ZNF213: variants seen among roughly 807,000 people sequenced by gnomAD.
The protein encoded by ZNF213 is zinc finger protein 213.
Under a neutral mutation model 46.0 loss-of-function variants are expected in ZNF213, and 32 were observed. That is an observed-to-expected ratio of 0.70 (90% CI 0.52 to 0.93). The LOEUF is 0.93. Among genes scored for constraint, ZNF213 ranks in the 40% least tolerant of loss-of-function variants. The pLI, the probability that ZNF213 is intolerant of heterozygous loss-of-function variation, is 0.00. For missense variants in ZNF213, 639 were observed against 652.8 expected (o/e 0.98, Z 0.23); for synonymous variants, 297 against 271.0 (o/e 1.10, Z -0.94).
chr16:3,139,050 G>A lies in ZNF213; in HGVS notation c.673G>A (p.Asp225Asn). 5 of 1,614,068 alleles carry A rather than the reference G, an allele frequency of 3.1e-6. No homozygotes were observed. The highest frequency in any genetic ancestry group is 4.2e-6 in the Non-Finnish European group (5 of 1,180,012). The change falls in exon 5 of 6, where the codon GAT becomes AAT. Residue 225 changes from aspartate (D) to asparagine (N), a missense_variant. Asp to Asn is a conservative substitution (Grantham distance 23, BLOSUM62 1). Coordinates refer to ENST00000396878, the MANE Select transcript of ZNF213 (RefSeq NM_004220.3). Reference protein sequence around the residue: ...EWGTLDPAQRDLFWDIKRENS... With the variant: ...EWGTLDPAQRNLFWDIKRENS... Reference sequence around the variant, plus strand: ...GGGCACCCTGGACCCTGCTCAGCGGGATCTCTTCTGGGACATAAAGCGGGA... The same window carrying A: ...GGGCACCCTGGACCCTGCTCAGCGGAATCTCTTCTGGGACATAAAGCGGGA...
rs778611441 is a variant in ZNF213 at position 3,140,747 on chromosome 16, G to A, written c.780G>A (p.Val260=). 2.6e-6 allele frequency: 4 copies of A among 1,549,664 alleles called. No individual in the cohort carries two copies. The South Asian group carries it at 5.0e-5, about 19-fold the overall frequency. Residue 260 remains valine (V), a synonymous_variant, in exon 6 of 6, where the codon GTG becomes GTA. Coordinates refer to ENST00000396878, the MANE Select transcript of ZNF213 (RefSeq NM_004220.3). ...TGCTGCAGGAGATGGTGCCGGTGGT[G>A]CCAGGCCAGACAGGCAGCGACGTGA... is the stretch of plus-strand genomic sequence containing the variant. ...KSLLQEMVPV[V]PGQTGSDVTV...
intron 5 of ZNF213, 192 bp downstream of exon 5, chr16:3,139,290 G>A (rs1056802907): frequency 2.2e-5 from 17 of 789,956 alleles, no homozygotes; most frequent in African/African-American, 7.0e-5. Context: ...GGACGGCGCC[G>A]GCGCTGCCCA....
Position 3,137,240 on chromosome 16 carries a change from C to T in ZNF213, c.-41C>T. 6.5e-7 allele frequency: 1 copy of T among 1,531,956 alleles called. No individual in the cohort carries two copies. The highest frequency in any genetic ancestry group is 8.8e-7 in the Non-Finnish European group (1 of 1,142,728). The allele number at this position is 1,531,956 out of a possible 1,614,324, so 94.9% of individuals were successfully genotyped here. On this transcript the variant is annotated 5_prime_UTR_variant, in exon 2 of 6. Coordinates refer to ENST00000396878, the MANE Select transcript of ZNF213 (RefSeq NM_004220.3). ...AGACTGAAAGTACAGGTTCTGGGGC[C>T]CAGGTTGAAGCCGACCAACCCTGAG... is the stretch of plus-strand genomic sequence containing the variant.
At chr16:3,139,253 T>G in intron 5 of ZNF213, 155 bp downstream of exon 5, 2 of 1,167,076 alleles carry the variant, frequency 1.7e-6, no homozygotes, top group South Asian at 1.5e-5. Context: ...TGATGATCAG[T>G]TTTTGTGCGT....
At chr16:3,138,669 G>C in intron 3 of ZNF213, 76 bp from the exon 4 acceptor site, 1 of 1,608,502 alleles carries the variant, frequency 6.2e-7, no homozygotes, top group Non-Finnish European at 8.5e-7. Flanking sequence ...GTGTGCATGC[G>C]CACAGGCTGG....
rs748030675 is a variant in ZNF213 at position 3,137,404 on chromosome 16, G to A, written c.124G>A (p.Glu42Lys). The change falls in exon 2 of 6, where the codon GAA becomes AAA. Residue 42 changes from glutamate to lysine, a missense_variant. By Grantham distance (56) the Glu-to-Lys change is moderately conservative. Coordinates refer to ENST00000396878, the MANE Select transcript of ZNF213 (RefSeq NM_004220.3). ...SAQHEDGRDSEACRQRFRQFC... is the reference protein window; with the variant it reads ...SAQHEDGRDSKACRQRFRQFC... ...CCAGCATGAGGATGGCAGGGATTCC[G>A]AAGCCTGCCGCCAGCGCTTCCGGCA... 13 of 1,613,834 alleles carry A rather than the reference G, an allele frequency of 8.1e-6. No individual in the cohort carries two copies. Among genetic ancestry groups the A allele is most frequent in the East Asian group, 2.2e-5 (1 of 44,898 alleles).
chr16:3,141,274 A>G lies in ZNF213; in HGVS notation c.1307A>G (p.Lys436Arg). 6.2e-7 allele frequency: 1 copy of G among 1,611,680 alleles called. No homozygotes were observed. Among genetic ancestry groups the G allele is most frequent in the Non-Finnish European group, 8.5e-7 (1 of 1,179,872 alleles). Residue 436 changes from lysine to arginine, a missense_variant, in exon 6 of 6, where the codon AAG becomes AGG. Transcript: ENST00000396878. ...ERPFGCGECD[K>R]SFKQRAHLIA... ...CCCTTCGGCTGCGGAGAGTGCGACAAGAGCTTCAAGCAGCGCGCGCACCTC... is the reference window on the plus strand; with the variant it reads ...CCCTTCGGCTGCGGAGAGTGCGACAGGAGCTTCAAGCAGCGCGCGCACCTC...
rs1894281370 is a variant in ZNF213, at chr16:3,138,998, C to G, written c.621C>G (p.Ile207Met). The change falls in exon 5 of 6, where the codon ATC (isoleucine) becomes ATG (methionine). Residue 207 changes from isoleucine to methionine, a missense_variant. By Grantham distance (10) the Ile-to-Met change is conservative. Transcript: ENST00000396878. ...AGGGACCTGTGGCATTGGGAGACAT[C>G]CCATTCTATTTCTCCCGGGAAGAAT... ...GVHGPVALGDIPFYFSREEWG... is the reference protein window; with the variant it reads ...GVHGPVALGDMPFYFSREEWG... 6.2e-7 allele frequency: 1 copy of G among 1,614,216 alleles called. No individual in the cohort carries two copies. The highest frequency in any genetic ancestry group is 8.5e-7 in the Non-Finnish European group (1 of 1,180,032).
Position 3,141,165 on chromosome 16 carries a change from C to G in ZNF213, c.1198C>G (p.Pro400Ala), listed in dbSNP as rs1957599320. The change falls in exon 6 of 6, where the codon CCT becomes GCT. Residue 400 changes from proline (P) to alanine (A), a missense_variant. By Grantham distance (27) the Pro-to-Ala change is conservative. Coordinates refer to ENST00000396878, the MANE Select transcript of ZNF213 (RefSeq NM_004220.3). ...DHQRIHTGEK[P>A]FGCSDCGKSF... The stretch of plus-strand genomic sequence containing the variant: ...CCAGCGCATACACACGGGCGAGAAG[C>G]CTTTCGGCTGCAGCGACTGCGGCAA... 3.1e-6 allele frequency: 5 copies of G among 1,612,392 alleles called. No homozygotes were observed. The highest frequency in any genetic ancestry group is 2.7e-5 in the African/African-American group (2 of 74,944).
In ZNF213 at chr16:3,141,640, C is replaced by A; in HGVS notation, c.*293C>A. On this transcript the variant is annotated 3_prime_UTR_variant, in exon 6 of 6. Coordinates refer to ENST00000396878, the MANE Select transcript of ZNF213 (RefSeq NM_004220.3). The stretch of plus-strand genomic sequence containing the variant: ...AGCCCCAACACATTCCTGGCAGGGA[C>A]AGCAGGGTGGCAAGGACTCAGGTCT... 2.2e-6 allele frequency: 1 copy of A among 454,384 alleles called. No individual in the cohort carries two copies. Among genetic ancestry groups the A allele is most frequent in the Non-Finnish European group, 3.9e-6 (1 of 256,496 alleles). The allele number at this position is 454,384 out of a possible 1,614,324, so 28.1% of individuals were successfully genotyped here. A position where few individuals can be genotyped will look rare whatever the true frequency, so the allele number is the denominator to read the frequency against.
rs778857856 is a variant in ZNF213, at chr16:3,141,008, C to T, written c.1041C>T (p.Cys347=). Residue 347 remains cysteine, a synonymous_variant, in exon 6 of 6, where the codon TGC becomes TGT. Transcript: ENST00000396878. ...RTHTGEKPHK[C]PECDKSFRSS... is the part of the protein sequence containing the mutation. ...ACACGGGCGAGAAGCCACACAAGTG[C>T]CCTGAGTGCGACAAGAGCTTCCGCA... The T allele has an allele frequency of 1.6e-5, 26 of 1,612,016 alleles. No individual in the cohort carries two copies. The Admixed American group carries it at 4.0e-4, about 25-fold the overall frequency.
In ZNF213 at chr16:3,138,726, C is replaced by T. The variant is rs764822896; in HGVS notation, c.524-19C>T. The T allele has an allele frequency of 1.9e-6, 3 of 1,614,014 alleles. No homozygotes were observed. Among genetic ancestry groups the T allele is most frequent in the South Asian group, 2.2e-5 (2 of 91,076 alleles). On this transcript the variant is annotated intron_variant, in intron 3 of 5. Coordinates refer to ENST00000396878, the MANE Select transcript of ZNF213 (RefSeq NM_004220.3). The stretch of plus-strand genomic sequence containing the variant: ...CAAGCCTGGGCTGGCCTTTCTAAGG[C>T]TCCATTCTTCTCCTTCAGCCCAGCC...
At chr16:3,135,466 T>A (rs1596305156) in intron 1 of ZNF213, 79 bp downstream of exon 1, 1 of 152,144 alleles carries the variant, frequency 6.6e-6, no homozygotes, top group East Asian at 1.9e-4. Flanking sequence ...CTTTCAGGGG[T>A]CTTGTGAGGA....
chr16:3,138,370 C>T (rs756548974), intron 2 of ZNF213, 48 bp from the exon 3 acceptor site: 5 of 1,609,726 alleles, frequency 3.1e-6, no homozygotes, highest in Non-Finnish European at 4.2e-6. Flanking sequence ...AACTCTGTCT[C>T]CCCCGGTCTG....
intron 5 of ZNF213, 48 bp from the exon 6 acceptor site, chr16:3,140,641 G>C: frequency 6.8e-7 from 1 of 1,467,626 alleles, no homozygotes; most frequent in South Asian, 1.5e-5. Context: ...CTCAGCTCTG[G>C]CCCCAGAACC....
In ZNF213 at chr16:3,137,609, C is replaced by A. The variant is rs577313773; in HGVS notation, c.329C>A (p.Pro110Gln). The change falls in exon 2 of 6, where the codon CCG becomes CAG. Residue 110 changes from proline (P) to glutamine (Q), a missense_variant. Pro to Gln is a moderately conservative substitution (Grantham distance 76). Transcript: ENST00000396878. ...EIQGWVREQH[P>Q]GSGEEAVALV... is the part of the protein sequence containing the mutation. ...CAGGGCTGGGTGCGTGAGCAGCACC[C>A]GGGAAGCGGTGAGGAGGCTGTCGCC... The A allele has an allele frequency of 6.2e-7, 1 of 1,613,922 alleles. No individual in the cohort carries two copies. Among genetic ancestry groups the A allele is most frequent in the South Asian group, 1.1e-5 (1 of 91,074 alleles).
chr16:3,137,341 G>A lies in ZNF213; in HGVS notation c.61G>A (p.Val21Met). The A allele has an allele frequency of 6.2e-7, 1 of 1,613,312 alleles. No individual in the cohort carries two copies. Among genetic ancestry groups the A allele is most frequent in the Non-Finnish European group, 8.5e-7 (1 of 1,179,502 alleles). The change falls in exon 2 of 6, where the codon GTG becomes ATG. Residue 21 changes from valine to methionine, a missense_variant. Val to Met is a conservative substitution (Grantham distance 21). Transcript: ENST00000396878. The part of the protein sequence containing the change: ...APGEGEGLLI[V>M]KVEDSSWEQE... Reference sequence around the variant, plus strand: ...TGGGGAGGGAGAAGGGCTTCTGATTGTGAAAGTGGAAGATTCCTCCTGGGA... The same window carrying A: ...TGGGGAGGGAGAAGGGCTTCTGATTATGAAAGTGGAAGATTCCTCCTGGGA...
intron 1 of ZNF213, 147 bp from the exon 2 acceptor site, chr16:3,137,017 GAC>G: frequency 2.5e-6 from 1 of 399,324 alleles, no homozygotes; most frequent in Non-Finnish European, 4.5e-6. Context: ...TAATAGGAGA[GAC>G]AGTCACATGA....
Position 3,137,207 on chromosome 16 carries a change from C to T in ZNF213, c.-74C>T, listed in dbSNP as rs549941386. On this transcript the variant is annotated 5_prime_UTR_variant, in exon 2 of 6. Transcript: ENST00000396878. ...GCCAGCCCAGCTACCACAGGGGATCCCTCTGGGAGACTGAAAGTACAGGTT... is the reference window on the plus strand; with the variant it reads ...GCCAGCCCAGCTACCACAGGGGATCTCTCTGGGAGACTGAAAGTACAGGTT... 1 of 1,509,498 alleles carries T rather than the reference C, an allele frequency of 6.6e-7. No individual in the cohort carries two copies. The highest frequency in any genetic ancestry group is 2.3e-5 in the East Asian group (1 of 44,070). 93.5% of individuals were successfully genotyped at this position (1,509,498 alleles called of 1,614,324 possible). A position where few individuals can be genotyped will look rare whatever the true frequency, so the allele number is the denominator to read the frequency against.
Sources: gnomAD v4.1 joint callset for allele counts on GRCh38, gnomAD v4.1.1 for gene constraint, MANE v1.5 for transcripts, NCBI Gene and HGNC (gene_info 2026-07-23, HGNC 2026-07-21) for gene names.